Variants in RASAL2 observed in about 807,000 individuals in gnomAD.
The protein encoded by RASAL2 is ras GTPase-activating protein nGAP.
Under a neutral mutation model 128.9 loss-of-function variants are expected in RASAL2, and 58 were observed. The ratio of observed to expected loss-of-function variants is 0.45; its 90% CI spans 0.36 to 0.56. The LOEUF (loss-of-function observed/expected upper bound fraction) is 0.56. Ranked by LOEUF, RASAL2 falls within the 20% of genes least tolerant of loss-of-function variation. RASAL2 has a pLI of 0.00. For missense variants in RASAL2, 1,360 were observed against 1,601.6 expected (o/e 0.85, Z 2.57); for synonymous variants, 561 against 580.8 (o/e 0.97, Z 0.49).
intron 4 of RASAL2, 26 bp from the exon 5 acceptor site, chr1:178,420,485 C>G (rs778965300): frequency 6.6e-7 from 1 of 1,511,260 alleles, no homozygotes; most frequent in East Asian, 2.3e-5. Context: ...GTTCTCTCTC[C>G]CATCACCTTC....
chr1:178,296,526 ATTTTTAT>A (rs1553207467), intron 2 of RASAL2, among the ~76,000 whole-genome samples: 1 of 151,540 alleles, frequency 6.6e-6, no homozygotes, highest in African/African-American at 2.4e-5. Context: ...CAACTGGCTG[ATTTTTAT>A]TTTTTATTTT....
At chr1:178,197,526 T>C (rs934999312) in intron 1 of RASAL2, among the ~76,000 whole-genome samples, 1 of 151,388 alleles carries the variant, frequency 6.6e-6, no homozygotes, top group African/African-American at 2.4e-5. Context: ...GGAGAATTGC[T>C]TGAACCCAGG....
Position 178,473,431 on chromosome 1 carries a change from C to G in RASAL2, c.*192C>G, listed in dbSNP as rs947378245. 1 of 645,256 alleles carries G rather than the reference C, an allele frequency of 1.5e-6. No individual in the cohort carries two copies. The highest frequency in any genetic ancestry group is 1.8e-5 in the African/African-American group (1 of 54,590). The allele number at this position is 645,256 out of a possible 1,614,324, so 40.0% of individuals were successfully genotyped here. ...CGACTTCCAAGGTCAATGCTTTTCC[C>G]CCACATCTCTATGTACATAGGGAAC... On this transcript the variant is annotated 3_prime_UTR_variant, in exon 18 of 18. Transcript: ENST00000367649.
intron 5 of RASAL2, among the ~76,000 whole-genome samples, chr1:178,431,807 C>G (rs1675923197): frequency 6.6e-6 from 1 of 150,962 alleles, no homozygotes; most frequent in South Asian, 2.1e-4. Flanking sequence ...CAGTATTGTA[C>G]CATCCCATTT....
At chr1:178,275,148 G>A (rs1302344009) in intron 1 of RASAL2, among the ~76,000 whole-genome samples, 1 of 152,148 alleles carries the variant, frequency 6.6e-6, no homozygotes, top group Non-Finnish European at 1.5e-5. Context: ...CCACATAGTT[G>A]CTTAAGCAGA....
chr1:178,399,371 G>A (rs1242798469), intron 4 of RASAL2, among the ~76,000 whole-genome samples: 1 of 152,078 alleles, frequency 6.6e-6, no homozygotes. Flanking sequence ...GTGTTTGGGT[G>A]GGCGGGGGAG....
At chr1:178,444,620 T>C (rs1464093882) in intron 8 of RASAL2, among the ~76,000 whole-genome samples, 2 of 152,168 alleles carry the variant, frequency 1.3e-5, no homozygotes, top group Non-Finnish European at 2.9e-5. Context: ...TTTAAGACTG[T>C]TGAGGAATGA....
chr1:178,306,742 G>C (rs1009595280), intron 3 of RASAL2, among the ~76,000 whole-genome samples: 1 of 151,604 alleles, frequency 6.6e-6, no homozygotes, highest in African/African-American at 2.4e-5. Context: ...TTTTGATGGG[G>C]TTGTTTGTTT....
chr1:178,139,138 T>A (rs1368962719), intron 1 of RASAL2, among the ~76,000 whole-genome samples: 1 of 152,054 alleles, frequency 6.6e-6, no homozygotes, highest in African/African-American at 2.4e-5. Context: ...CTGCTATACA[T>A]ATTTCTGGTA....
At chr1:178,245,724 C>T (rs992195753) in intron 1 of RASAL2, among the ~76,000 whole-genome samples, 1 of 152,052 alleles carries the variant, frequency 6.6e-6, no homozygotes, top group African/African-American at 2.4e-5. Context: ...TTATTTAATC[C>T]ATCTTGAGTT....
intron 1 of RASAL2, among the ~76,000 whole-genome samples, chr1:178,217,393 A>G (rs1245761390): frequency 2.6e-5 from 4 of 152,182 alleles, no homozygotes; most frequent in Admixed American, 6.5e-5. Flanking sequence ...AACTTCTCAC[A>G]CCAGAGTGGT....
intron 3 of RASAL2, among the ~76,000 whole-genome samples, chr1:178,317,336 TC>T (rs1668535065): frequency 6.8e-6 from 1 of 147,320 alleles, no homozygotes; most frequent in Non-Finnish European, 1.5e-5. Flanking sequence ...TCTCTCTTTT[TC>T]TATTGATTGG....
chr1:178,177,835 A>C (rs1239165688), intron 1 of RASAL2, among the ~76,000 whole-genome samples: 3 of 152,190 alleles, frequency 2.0e-5, no homozygotes, highest in African/African-American at 7.2e-5. Flanking sequence ...ACTATAGAAC[A>C]TGATAATTCT....
chr1:178,321,425 T>C (rs529003242), intron 3 of RASAL2, among the ~76,000 whole-genome samples: 1 of 152,326 alleles, frequency 6.6e-6, no homozygotes, highest in South Asian at 2.1e-4. Context: ...CCCTGAAATC[T>C]GGCTTTATTT....
intron 1 of RASAL2, among the ~76,000 whole-genome samples, chr1:178,140,763 G>A (rs1660495720): frequency 6.6e-6 from 1 of 152,150 alleles, no homozygotes; most frequent in South Asian, 2.1e-4. Flanking sequence ...TTAAATTTGT[G>A]AACTCCTCAC....
chr1:178,207,384 A>T (rs1252912153), intron 1 of RASAL2, among the ~76,000 whole-genome samples: 1 of 152,186 alleles, frequency 6.6e-6, no homozygotes, highest in Non-Finnish European at 1.5e-5. Flanking sequence ...AAATAACACA[A>T]ATACAAAATA....
At chr1:178,314,848 TTACA>T (rs1258332117) in intron 3 of RASAL2, among the ~76,000 whole-genome samples, 2 of 151,484 alleles carry the variant, frequency 1.3e-5, no homozygotes, top group Admixed American at 6.6e-5. Flanking sequence ...TGCAGGTTAG[TTACA>T]TATGTATACA....
chr1:178,115,153 C>T (rs1453318067), intron 1 of RASAL2, among the ~76,000 whole-genome samples: 2 of 152,154 alleles, frequency 1.3e-5, no homozygotes, highest in Non-Finnish European at 2.9e-5. Context: ...ACTTCAAATC[C>T]AATTTCCTTA....
chr1:178,439,861 A>ACATTAC, intron 6 of RASAL2, among the ~76,000 whole-genome samples: 2 of 152,220 alleles, frequency 1.3e-5, no homozygotes, highest in African/African-American at 4.8e-5. Flanking sequence ...CAATAACATT[A>ACATTAC]CATTACTATG....
Sources: allele counts gnomAD v4.1 joint callset (sites outside exome capture counted in the v4.1 genomes callset), GRCh38; gene constraint gnomAD v4.1.1; transcripts MANE v1.5; gene names NCBI Gene and HGNC (gene_info 2026-07-23, HGNC 2026-07-21).